TBC1D9: variants seen among roughly 807,000 people sequenced by gnomAD.
The protein encoded by TBC1D9 is TBC1 domain family member 9A.
In TBC1D9, 63 loss-of-function variants were observed where a neutral mutation model predicts 132.0. The ratio of observed to expected loss-of-function variants is 0.48; its 90% confidence interval spans 0.39 to 0.59. The LOEUF is 0.59. TBC1D9 is among the 20% of genes least tolerant of loss of function. The pLI is 0.00. For missense variants in TBC1D9, 1,261 were observed against 1,592.7 expected, an observed-to-expected ratio of 0.79 and a Z score of 3.54; for synonymous variants, 610 against 609.9, an observed-to-expected ratio of 1.00 and a Z score of 0.00.
intron 1 of TBC1D9, among the ~76,000 whole-genome samples, chr4:140,722,216 A>G (rs1738436144): frequency 6.6e-6 from 1 of 152,200 alleles, no homozygotes; most frequent in Non-Finnish European, 1.5e-5. Flanking sequence ...ATGCCTGAGA[A>G]ATTCCACTAA....
At chr4:140,745,378 T>G (rs562483490) in intron 1 of TBC1D9, among the ~76,000 whole-genome samples, 1 of 152,342 alleles carries the variant, frequency 6.6e-6, no homozygotes, top group East Asian at 1.9e-4. Flanking sequence ...CAGTTGACCT[T>G]TAAACAACAT....
At chr4:140,638,500 A>G (rs1179208376) in intron 15 of TBC1D9, among the ~76,000 whole-genome samples, 3 of 148,220 alleles carry the variant, frequency 2.0e-5, no homozygotes, top group Admixed American at 2.0e-4. Context: ...CATCTCTACT[A>G]AAAAAAAAGA....
intron 1 of TBC1D9, among the ~76,000 whole-genome samples, chr4:140,748,366 G>C (rs1738869046): frequency 6.6e-6 from 1 of 152,138 alleles, no homozygotes. Context: ...AAGATACAAT[G>C]AGATGTCTAA....
chr4:140,643,523 C>G, intron 13 of TBC1D9: 1 of 878,274 alleles, frequency 1.1e-6, no homozygotes, highest in Non-Finnish European at 1.8e-6. Context: ...GGCACTCTCC[C>G]TCCCCGGCGG....
At chr4:140,722,867 G>T (rs927185162) in intron 1 of TBC1D9, among the ~76,000 whole-genome samples, 7 of 151,958 alleles carry the variant, frequency 4.6e-5, no homozygotes, top group African/African-American at 1.5e-4. Flanking sequence ...GATTTCACCG[G>T]GAGTTCTCCT....
At chr4:140,645,165 T>C in intron 13 of TBC1D9, 1 of 555,014 alleles carries the variant, frequency 1.8e-6, no homozygotes, top group Non-Finnish European at 3.5e-6. Context: ...CTCATTACTC[T>C]CTCTGAGCAG....
chr4:140,753,789 T>C (rs1175427079), intron 1 of TBC1D9, among the ~76,000 whole-genome samples: 1 of 152,182 alleles, frequency 6.6e-6, no homozygotes, highest in Non-Finnish European at 1.5e-5. Flanking sequence ...TTCTAGAAGT[T>C]GCCAACAAAT....
At chr4:140,707,784 T>G (rs1386730447) in intron 1 of TBC1D9, among the ~76,000 whole-genome samples, 1 of 152,084 alleles carries the variant, frequency 6.6e-6, no homozygotes, top group African/African-American at 2.4e-5. Flanking sequence ...CTGGCAAACT[T>G]CTATTTCCCT....
At chr4:140,702,984 G>A (rs1738095613) in intron 1 of TBC1D9, among the ~76,000 whole-genome samples, 1 of 152,104 alleles carries the variant, frequency 6.6e-6, no homozygotes, top group Admixed American at 6.6e-5. Flanking sequence ...ACTACCCCAG[G>A]ATTGTTTTTG....
intron 1 of TBC1D9, among the ~76,000 whole-genome samples, chr4:140,715,157 T>G (rs1353039746): frequency 1.3e-5 from 2 of 152,038 alleles, no homozygotes; most frequent in East Asian, 3.9e-4. Context: ...ACAAAGCAAG[T>G]CTGTTTTGTC....
At position 140,644,716 on chromosome 4, in the gene TBC1D9, G is replaced by C. The variant is rs114040353; in HGVS notation, c.2338-5288C>G. On this transcript the variant is annotated intron_variant, in intron 13 of 20. Transcript: ENST00000442267. The stretch of plus-strand genomic sequence containing the variant: ...CTGCAGCTGCAGGAAGTGCTGCAGC[G>C]AAAAGAGCTGCAACTGCTGGGCCTG... 3,336 of 410,738 alleles carry C rather than the reference G, an allele frequency of 8.1e-3. 79 individuals carry two copies. The highest frequency in any genetic ancestry group is 0.062 in the African/African-American group (2,911 of 47,228). The allele number at this position is 410,738 out of a possible 1,614,324, so 25.4% of individuals were successfully genotyped here. A position where few individuals can be genotyped will look rare whatever the true frequency, so the allele number is the denominator to read the frequency against.
chr4:140,710,677 A>G (rs1004456753), intron 1 of TBC1D9, among the ~76,000 whole-genome samples: 3 of 152,102 alleles, frequency 2.0e-5, no homozygotes, highest in African/African-American at 7.2e-5. Flanking sequence ...TAAAGTCACA[A>G]GCACCTGCTC....
rs528722096 is a variant in TBC1D9, at chr4:140,667,061, G to A, written c.1588+1856C>T. ...TCTGACCTGCATTTCATTTCAGCGG[G>A]TACAGAGTTCAGGTCATGATGCCGT... On this transcript the variant is annotated intron_variant, in intron 9 of 20. Coordinates refer to ENST00000442267, the MANE Select transcript of TBC1D9 (RefSeq NM_015130.3). Among the ~76,000 whole-genome samples, 159 of 152,324 alleles carry A rather than the reference G, an allele frequency of 1.0e-3. 1 individual carries two copies. Among genetic ancestry groups the A allele is most frequent in the Non-Finnish European group, 2.0e-3 (134 of 68,024 alleles).
intron 1 of TBC1D9, among the ~76,000 whole-genome samples, chr4:140,725,356 T>A (rs1485111549): frequency 1.3e-5 from 2 of 152,184 alleles, no homozygotes; most frequent in African/African-American, 4.8e-5. Context: ...CACCTGATTG[T>A]GTGTTCAGAG....
intron 13 of TBC1D9, among the ~76,000 whole-genome samples, chr4:140,641,114 A>AC (rs1736986212): frequency 1.4e-5 from 2 of 146,388 alleles, no homozygotes; most frequent in Non-Finnish European, 3.0e-5. Context: ...ACAAAAAAAA[A>AC]CAGAAGCAAA....
intron 2 of TBC1D9, among the ~76,000 whole-genome samples, chr4:140,687,753 A>T (rs1023576404): frequency 6.6e-6 from 1 of 152,104 alleles, no homozygotes; most frequent in African/African-American, 2.4e-5. Context: ...GAGACTAAAC[A>T]TCAAACTTGC....
At chr4:140,672,627 G>A (rs1280597566) in intron 6 of TBC1D9, among the ~76,000 whole-genome samples, 1 of 152,126 alleles carries the variant, frequency 6.6e-6, no homozygotes, top group Non-Finnish European at 1.5e-5. Flanking sequence ...GCAGAAACAA[G>A]AAAGCTCCCA....
intron 2 of TBC1D9, among the ~76,000 whole-genome samples, chr4:140,688,704 T>C (rs1442086692): frequency 6.6e-6 from 1 of 152,018 alleles, no homozygotes; most frequent in East Asian, 1.9e-4. Flanking sequence ...AACAACAACC[T>C]TTACCCATCT....
intron 1 of TBC1D9, among the ~76,000 whole-genome samples, chr4:140,750,905 C>T (rs1006094019): frequency 3.3e-5 from 5 of 151,828 alleles, no homozygotes; most frequent in African/African-American, 7.3e-5. Flanking sequence ...TATACAAATT[C>T]GGTTTGCTCC....
Sources: allele counts gnomAD v4.1 joint callset (sites outside exome capture counted in the v4.1 genomes callset), GRCh38; gene constraint gnomAD v4.1.1; transcripts MANE v1.5; gene names NCBI Gene and HGNC (gene_info 2026-07-23, HGNC 2026-07-21).